The following MOB4 variants were observed in gnomAD, a reference collection of about 807,000 sequenced individuals.
MOB4 encodes MOB-like protein phocein.
MOB4 carries 4 observed loss-of-function variants against 32.2 expected under a neutral mutation model. The ratio of observed to expected loss-of-function variants is 0.12; its 90% CI spans 0.06 to 0.28. The LOEUF (loss-of-function observed/expected upper bound fraction) is 0.28, where lower values mean the gene tolerates loss of function less well. Among genes scored for constraint, MOB4 ranks in the 10% least tolerant of loss-of-function variants. The pLI is 1.00. For synonymous variants in MOB4, 88 were observed against 88.1 expected (o/e 1.00, Z 0.01); for missense variants, 158 against 271.2 (o/e 0.58, Z 2.93).
chr2:197,539,971 C>T (rs2086869403), intron 3 of MOB4, 140 bp from the exon 4 acceptor site: 3 of 796,276 alleles, frequency 3.8e-6, no homozygotes, highest in Non-Finnish European at 5.5e-6. Flanking sequence ...AGAAATGTGT[C>T]ATTGTCAGTT....
At chr2:197,549,350 T>A (rs79077055) in intron 6 of MOB4, among the ~76,000 whole-genome samples, 1,751 of 152,278 alleles carry the variant, frequency 0.011, 32 homozygotes, top group African/African-American at 0.04. Flanking sequence ...GACTGCCTTT[T>A]ATTTTATTAA....
In MOB4 at chr2:197,548,471, G is replaced by A. The variant is rs114584168; in HGVS notation, c.434+56G>A. 1,676 of 702,846 alleles carry A rather than the reference G, an allele frequency of 2.4e-3. 36 individuals are homozygous for A. The African/African-American group carries it at 0.031, about 13-fold the overall frequency. The allele number at this position is 702,846 out of a possible 1,614,324, so 43.5% of individuals were successfully genotyped here. A position where few individuals can be genotyped will look rare whatever the true frequency, so the allele number is the denominator to read the frequency against. On this transcript the variant is annotated intron_variant, in intron 6 of 7. Transcript: ENST00000323303. ...CATTTTAGAGTTAATTTATAAGATT[G>A]GTATTTTAGGGGGGAGGGGGGAGGG... is the stretch of plus-strand genomic sequence containing the variant.
intron 2 of MOB4, among the ~76,000 whole-genome samples, chr2:197,526,074 T>C (rs921217253): frequency 2.1e-4 from 32 of 152,340 alleles, no homozygotes; most frequent in African/African-American, 7.0e-4. Flanking sequence ...AGTACTACTT[T>C]GAATAAAAGT....
intron 1 of MOB4, 78 bp from the exon 2 acceptor site, chr2:197,523,546 C>G (rs765766386): frequency 6.4e-5 from 92 of 1,435,878 alleles, no homozygotes; most frequent in Non-Finnish European, 8.6e-5. Context: ...CTAGTGTGAG[C>G]TTTGGGTCTT....
chr2:197,547,502 A>G (rs1390967196), intron 5 of MOB4, among the ~76,000 whole-genome samples: 1 of 152,178 alleles, frequency 6.6e-6, no homozygotes, highest in Non-Finnish European at 1.5e-5. Context: ...CTGTGGATAT[A>G]TTGTTAGAAA....
At chr2:197,516,254 G>A (rs1324623587) in intron 1 of MOB4, 108 bp downstream of exon 1, 2 of 1,503,788 alleles carry the variant, frequency 1.3e-6, no homozygotes, top group East Asian at 2.6e-5. Flanking sequence ...AGGCGGGCGG[G>A]CTGGGGCACT....
At chr2:197,548,453 G>C in intron 6 of MOB4, 38 bp downstream of exon 6, 1 of 1,006,540 alleles carries the variant, frequency 9.9e-7, no homozygotes, top group South Asian at 1.5e-5. Flanking sequence ...AAACATTTTA[G>C]AGTTAATTTA....
chr2:197,536,876 G>A (rs2086809014), intron 3 of MOB4, among the ~76,000 whole-genome samples: 1 of 151,928 alleles, frequency 6.6e-6, no homozygotes, highest in African/African-American at 2.4e-5. Flanking sequence ...GATTACAGGT[G>A]TGAGCCACCG....
chr2:197,541,811 T>C (rs1006906664), intron 5 of MOB4, among the ~76,000 whole-genome samples: 2 of 151,206 alleles, frequency 1.3e-5, no homozygotes, highest in African/African-American at 4.8e-5. Context: ...CCCAGCTACT[T>C]GGGAGGCTGA....
intron 3 of MOB4, among the ~76,000 whole-genome samples, chr2:197,537,381 T>C (rs904687424): frequency 3.3e-5 from 5 of 152,236 alleles, no homozygotes; most frequent in African/African-American, 1.2e-4. Context: ...GGCTTATTAT[T>C]TGTAAGTTGA....
upstream of MOB4, chr2:197,515,985 C>G (rs2086402065): frequency 2.4e-6 from 3 of 1,244,270 alleles, no homozygotes; most frequent in Non-Finnish European, 3.4e-6. Context: ...CGTCAGCTGC[C>G]GCTCCTCCTC....
intron 1 of MOB4, 115 bp downstream of exon 1, chr2:197,516,261 C>A (rs991643276): frequency 4.0e-6 from 6 of 1,485,402 alleles, no homozygotes; most frequent in Admixed American, 5.3e-5. Context: ...CGGGCTGGGG[C>A]ACTGGTGCCC....
At chr2:197,544,752 C>CA (rs796630784) in intron 5 of MOB4, among the ~76,000 whole-genome samples, 152 of 91,048 alleles carry the variant, frequency 1.7e-3, no homozygotes, top group Middle Eastern at 6.7e-3. Context: ...GACTCCGTCT[C>CA]AAAAAAAAAA....
intron 6 of MOB4, among the ~76,000 whole-genome samples, chr2:197,548,914 C>G (rs2087045935): frequency 6.6e-6 from 1 of 152,058 alleles, no homozygotes; most frequent in South Asian, 2.1e-4. Context: ...CTCGACCTCC[C>G]TTTATGTAGT....
At chr2:197,540,030 G>C in intron 3 of MOB4, 81 bp from the exon 4 acceptor site, 1 of 1,461,720 alleles carries the variant, frequency 6.8e-7, no homozygotes, top group Non-Finnish European at 9.3e-7. Flanking sequence ...ATACTGATGG[G>C]ATTCTCTTTT....
chr2:197,539,967 G>A (rs946968254), intron 3 of MOB4, 144 bp from the exon 4 acceptor site: 37 of 751,670 alleles, frequency 4.9e-5, no homozygotes, highest in Non-Finnish European at 7.3e-5. Flanking sequence ...TAGAAGAAAT[G>A]TGTCATTGTC....
chr2:197,518,090 G>A (rs2086447385), intron 1 of MOB4, among the ~76,000 whole-genome samples: 2 of 151,596 alleles, frequency 1.3e-5, no homozygotes, highest in Admixed American at 1.3e-4. Flanking sequence ...GCAGTGAGCC[G>A]GAATCGCGCC....
chr2:197,528,523 G>A (rs1023379560), intron 2 of MOB4, among the ~76,000 whole-genome samples: 1 of 151,920 alleles, frequency 6.6e-6, no homozygotes, highest in African/African-American at 2.4e-5. Flanking sequence ...GAAGTCATGA[G>A]AAGAATGGTC....
chr2:197,542,986 A>G (rs1166515620), intron 5 of MOB4, among the ~76,000 whole-genome samples: 2 of 150,808 alleles, frequency 1.3e-5, no homozygotes, highest in Non-Finnish European at 3.0e-5. Flanking sequence ...AAATTGAAAT[A>G]TGCTGTAAAC....
Sources: gnomAD v4.1 joint callset for allele counts (sites outside exome capture counted in the v4.1 genomes callset) on GRCh38, gnomAD v4.1.1 for gene constraint, MANE v1.5 for transcripts, NCBI Gene and HGNC (gene_info 2026-07-23, HGNC 2026-07-21) for gene names.